Variants in SLC2A13 observed in about 807,000 individuals in gnomAD.
SLC2A13 encodes the protein solute carrier family 2 member 13, also known as proton myo-inositol cotransporter.
Under a neutral mutation model 64.4 loss-of-function variants are expected in SLC2A13, and 32 were observed. The ratio of observed to expected loss-of-function variants is 0.50; its 90% CI spans 0.37 to 0.67. SLC2A13 has a LOEUF of 0.67. Among genes scored for constraint, SLC2A13 ranks in the 30% least tolerant of loss-of-function variants. The pLI, the probability that SLC2A13 is intolerant of heterozygous loss-of-function variation, is 0.00. For missense variants in SLC2A13, 743 were observed against 829.2 expected (o/e 0.90, Z 1.28); for synonymous variants, 338 against 327.1 (o/e 1.03, Z -0.36).
intron 3 of SLC2A13, among the ~76,000 whole-genome samples, chr12:39,981,398 G>C (rs1946893145): frequency 6.6e-6 from 1 of 151,874 alleles, no homozygotes; most frequent in Non-Finnish European, 1.5e-5. Flanking sequence ...CTGGTTTTTT[G>C]AAAGGATCAA....
intron 4 of SLC2A13, among the ~76,000 whole-genome samples, chr12:39,897,656 T>C (rs1323393146): frequency 6.6e-6 from 1 of 152,210 alleles, no homozygotes; most frequent in Non-Finnish European, 1.5e-5. Context: ...GGTGAATTTT[T>C]TATTTTATTT....
chr12:40,003,616 C>T (rs768060652), intron 3 of SLC2A13, among the ~76,000 whole-genome samples: 8 of 151,784 alleles, frequency 5.3e-5, no homozygotes, highest in Admixed American at 1.3e-4. Flanking sequence ...GCCTTAACCC[C>T]TGTTCTATAA....
intron 4 of SLC2A13, among the ~76,000 whole-genome samples, chr12:39,933,559 T>C (rs779213843): frequency 4.6e-5 from 7 of 152,234 alleles, no homozygotes; most frequent in Non-Finnish European, 1.0e-4. Context: ...AGTTCCACTT[T>C]ATAAGGTACA....
In SLC2A13 at chr12:40,007,497, CT is replaced by C. The variant is rs200963055; in HGVS notation, c.925+20803del. On this transcript the variant is annotated intron_variant, in intron 3 of 9. Transcript: ENST00000280871. ...ATTGCTGCTGAAAACAACTTTAAAA[CT>C]TTTTTTTAAAAAAAGGTCATTACTA... Among the ~76,000 whole-genome samples the C allele has an allele frequency of 8.6e-3, 779 of 90,354 alleles. 7 individuals carry two copies. Among genetic ancestry groups the C allele is most frequent in the African/African-American group, 0.035 (732 of 20,708 alleles). 59.3% of individuals were successfully genotyped at this position (90,354 alleles called of 152,430 possible). A position where few individuals can be genotyped will look rare whatever the true frequency, so the allele number is the denominator to read the frequency against.
chr12:39,964,802 C>T (rs867477585), intron 3 of SLC2A13, among the ~76,000 whole-genome samples: 2 of 152,102 alleles, frequency 1.3e-5, no homozygotes, highest in African/African-American at 2.4e-5. Flanking sequence ...TTAAGGCTGA[C>T]GAACACACAG....
At position 40,020,311 on chromosome 12, in the gene SLC2A13, C is replaced by T. The variant is rs920147656; in HGVS notation, c.925+7990G>A. Among the ~76,000 whole-genome samples, 4 of 152,104 alleles carry T rather than the reference C, an allele frequency of 2.6e-5. No homozygotes were observed. The East Asian group carries it at 7.7e-4, about 29-fold the overall frequency. ...AGGAAGGGACCTGGTGAGAGGTGAT[C>T]AGATCATGGAGGCAGTTCCCTCAGG... On this transcript the variant is annotated intron_variant, in intron 3 of 9. Transcript: ENST00000280871.
intron 1 of SLC2A13, among the ~76,000 whole-genome samples, chr12:40,071,174 C>A (rs757951189): frequency 2.6e-5 from 4 of 152,150 alleles, no homozygotes; most frequent in African/African-American, 9.7e-5. Context: ...CACTGATCTA[C>A]GCGTGTCTAT....
intron 4 of SLC2A13, among the ~76,000 whole-genome samples, chr12:39,896,454 GTA>G (rs1211527460): frequency 5.0e-5 from 7 of 141,040 alleles, no homozygotes; most frequent in South Asian, 2.2e-4. Flanking sequence ...GTATATGTGT[GTA>G]TATATGTATA....
intron 2 of SLC2A13, among the ~76,000 whole-genome samples, chr12:40,045,528 C>T (rs1948157256): frequency 6.7e-6 from 1 of 149,084 alleles, no homozygotes; most frequent in Non-Finnish European, 1.5e-5. Flanking sequence ...GATAAATATA[C>T]TGATAAGGAT....
intron 4 of SLC2A13, among the ~76,000 whole-genome samples, chr12:39,896,546 G>T (rs188078806): frequency 7.1e-6 from 1 of 141,110 alleles, no homozygotes; most frequent in African/African-American, 2.7e-5. Context: ...GTATGTATGT[G>T]TGTATACATG....
intron 3 of SLC2A13, among the ~76,000 whole-genome samples, chr12:39,968,734 T>TTTTTTG (rs10634185): frequency 0.76 from 99,175 of 130,848 alleles, 39,813 homozygotes; most frequent in Non-Finnish European, 0.87. Flanking sequence ...CTGCCCTTTC[T>TTTTTTG]TTTTTATTTT....
At chr12:39,932,142 T>C (rs1396700832) in intron 4 of SLC2A13, among the ~76,000 whole-genome samples, 2 of 152,152 alleles carry the variant, frequency 1.3e-5, no homozygotes, top group South Asian at 2.1e-4. Context: ...ATGGAATAAG[T>C]AGTATACAGG....
At chr12:39,893,882 T>A (rs1441411309) in intron 4 of SLC2A13, among the ~76,000 whole-genome samples, 2 of 152,214 alleles carry the variant, frequency 1.3e-5, no homozygotes, top group Non-Finnish European at 2.9e-5. Context: ...ACAATCCATA[T>A]GAAATTGAAA....
chr12:39,845,474 T>G lies in SLC2A13; in HGVS notation c.1320-15246A>C, dbSNP rs144899590. ...ATCAAAGGAAGAAACACATTTTAAC[T>G]TACAGTGCTTTCCTTCTCAGTTCTT... On this transcript the variant is annotated intron_variant, in intron 6 of 9. Transcript: ENST00000280871. Among the ~76,000 whole-genome samples the G allele has an allele frequency of 3.3e-5, 5 of 152,262 alleles. No homozygotes were observed. In the East Asian group the frequency reaches 9.7e-4, roughly 29 times the overall value.
At chr12:39,783,707 T>G (rs1361763037) in intron 7 of SLC2A13, among the ~76,000 whole-genome samples, 6 of 152,208 alleles carry the variant, frequency 3.9e-5, no homozygotes, top group African/African-American at 1.2e-4. Flanking sequence ...GCCCACTTTT[T>G]GGGGGTTGTT....
chr12:39,915,422 T>C (rs980407136), intron 4 of SLC2A13, among the ~76,000 whole-genome samples: 2 of 151,848 alleles, frequency 1.3e-5, no homozygotes, highest in East Asian at 1.9e-4. Flanking sequence ...TGATGGTGCA[T>C]AAAACAGCCA....
chr12:39,955,310 T>A (rs1167519141), intron 3 of SLC2A13, among the ~76,000 whole-genome samples: 2 of 152,172 alleles, frequency 1.3e-5, no homozygotes, highest in African/African-American at 4.8e-5. Context: ...ACACATAGCC[T>A]ATAAAAATTT....
At chr12:40,070,022 T>C (rs1033459514) in intron 1 of SLC2A13, among the ~76,000 whole-genome samples, 6 of 152,098 alleles carry the variant, frequency 3.9e-5, no homozygotes, top group African/African-American at 1.4e-4. Flanking sequence ...AAAGTTATCA[T>C]AAGTGAATGC....
In SLC2A13 at chr12:39,838,195, C is replaced by T. The variant is rs577275064; in HGVS notation, c.1320-7967G>A. On this transcript the variant is annotated intron_variant, in intron 6 of 9. Transcript: ENST00000280871. ...GATGAGTTCATGTCCTTTGTAGGGA[C>T]ATGGATGAAATTGGAAATCATCATT... Among the ~76,000 whole-genome samples, 851 of 150,742 alleles carry T rather than the reference C, an allele frequency of 5.6e-3. 12 individuals are homozygous for T. Among genetic ancestry groups the T allele is most frequent in the African/African-American group, 0.02 (800 of 40,706 alleles).
Sources: allele counts gnomAD v4.1 joint callset (sites outside exome capture counted in the v4.1 genomes callset), GRCh38; gene constraint gnomAD v4.1.1; transcripts MANE v1.5; gene names NCBI Gene and HGNC (gene_info 2026-07-23, HGNC 2026-07-21).